The following WDR43 variants were observed in gnomAD, a reference collection of about 807,000 sequenced individuals.
WDR43 encodes WD repeat domain 43, also known as WD repeat-containing protein 43.
WDR43 carries 13 observed loss-of-function variants against 91.4 expected under a neutral mutation model. The ratio of observed to expected loss-of-function variants is 0.14; its 90% confidence interval spans 0.09 to 0.23. The LOEUF is 0.23. Ranked by LOEUF, WDR43 falls within the 10% of genes least tolerant of loss-of-function variation. The pLI, the probability that WDR43 is intolerant of heterozygous loss-of-function variation, is 1.00. For missense variants in WDR43, 780 were observed against 809.4 expected, an observed-to-expected ratio of 0.96 and a Z score of 0.44; for synonymous variants, 331 against 287.9, an observed-to-expected ratio of 1.15 and a Z score of -1.51.
At chr2:28,908,419 T>A (rs886349697) in intron 3 of WDR43, among the ~76,000 whole-genome samples, 9 of 152,190 alleles carry the variant, frequency 5.9e-5, no homozygotes, top group African/African-American at 1.9e-4. Flanking sequence ...CACAGTAGTT[T>A]CTATGTTAGT....
In WDR43 at chr2:28,944,078, C is replaced by T. The variant is rs79926233; in HGVS notation, c.1804+1697C>T. ...TCTTTGAGCGGCTCATGATGTCCTCCGCTTTTCAATCGGTCATCTGTGGGA... is the reference window on the plus strand; with the variant it reads ...TCTTTGAGCGGCTCATGATGTCCTCTGCTTTTCAATCGGTCATCTGTGGGA... On this transcript the variant is annotated intron_variant, in intron 16 of 17. Transcript: ENST00000407426. Among the ~76,000 whole-genome samples, 22 of 152,248 alleles carry T rather than the reference C, an allele frequency of 1.4e-4. No homozygotes were observed. In the East Asian group the frequency reaches 2.7e-3, roughly 19 times the overall value.
At chr2:28,944,805 C>T (rs977626643) in intron 16 of WDR43, among the ~76,000 whole-genome samples, 5 of 152,210 alleles carry the variant, frequency 3.3e-5, no homozygotes, top group African/African-American at 7.2e-5. Context: ...AAACGACTAA[C>T]GGGTGGCTAG....
At chr2:28,929,509 T>C in intron 10 of WDR43, 70 bp from the exon 11 acceptor site, 1 of 1,228,042 alleles carries the variant, frequency 8.1e-7, no homozygotes, top group Non-Finnish European at 1.1e-6. Context: ...TATTTTATTT[T>C]ATTTTTTTTG....
intron 16 of WDR43, among the ~76,000 whole-genome samples, chr2:28,943,291 C>A (rs536147602): frequency 2.7e-4 from 41 of 152,210 alleles, no homozygotes; most frequent in African/African-American, 9.4e-4. Flanking sequence ...AGCCACCATG[C>A]CTGGCCAATT....
At chr2:28,916,272 C>G (rs1264303646) in intron 5 of WDR43, among the ~76,000 whole-genome samples, 1 of 151,990 alleles carries the variant, frequency 6.6e-6, no homozygotes, top group Non-Finnish European at 1.5e-5. Context: ...GGGTAAATAC[C>G]TAGGAGTGTA....
intron 5 of WDR43, among the ~76,000 whole-genome samples, chr2:28,915,122 TA>T: frequency 6.6e-6 from 1 of 152,286 alleles, no homozygotes; most frequent in Admixed American, 6.5e-5. Flanking sequence ...TTATACAAGA[TA>T]ATACTCATTT....
In WDR43 at chr2:28,921,021, C is replaced by CT. The variant is rs1208615985; in HGVS notation, c.850-1897dup. ...CTCTTTTTCTGACTGAATTCTGTTG[C>CT]TACTTTTAGATTTAACTTTAGGTTT... On this transcript the variant is annotated intron_variant, in intron 6 of 17. Transcript: ENST00000407426. 5.9e-4 allele frequency among the ~76,000 whole-genome samples: 89 copies of CT among 151,834 alleles called. 3 individuals are homozygous for CT.
Position 28,911,181 on chromosome 2 carries a change from TA to T in WDR43, c.486-1407del, listed in dbSNP as rs544260688. On this transcript the variant is annotated intron_variant, in intron 3 of 17. Coordinates refer to ENST00000407426, the MANE Select transcript of WDR43 (RefSeq NM_015131.3). ...TTAAATACTTTTAAATTTAATCAGT[TA>T]ATTTTTTTGCATGTGTGGCATAATG... Among the ~76,000 whole-genome samples the T allele has an allele frequency of 1.9e-3, 291 of 152,290 alleles. 1 individual carries two copies. Among genetic ancestry groups the T allele is most frequent in the Non-Finnish European group, 3.1e-3 (210 of 68,024 alleles).
At chr2:28,895,239 C>T (rs1045967843) in intron 1 of WDR43, 3 of 274,056 alleles carry the variant, frequency 1.1e-5, no homozygotes, top group African/African-American at 2.2e-5. Flanking sequence ...GGGGCGGCTT[C>T]CTTCTGCCGG....
intron 10 of WDR43, 83 bp from the exon 11 acceptor site, chr2:28,929,496 T>C: frequency 3.3e-6 from 4 of 1,209,932 alleles, no homozygotes; most frequent in Non-Finnish European, 4.3e-6. Flanking sequence ...ATCTATTTTA[T>C]TTTATTTTAT....
At chr2:28,910,903 G>A (rs1358619135) in intron 3 of WDR43, among the ~76,000 whole-genome samples, 2 of 151,806 alleles carry the variant, frequency 1.3e-5, no homozygotes, top group Admixed American at 1.3e-4. Context: ...TCACCATGTT[G>A]TTCAGGCTGG....
At chr2:28,901,875 T>G in intron 1 of WDR43, 112 bp from the exon 2 acceptor site, 3 of 1,070,580 alleles carry the variant, frequency 2.8e-6, no homozygotes, top group Non-Finnish European at 3.9e-6. Context: ...AGCTTCTCTC[T>G]TCCCCCCTTT....
At chr2:28,942,053 A>T (rs1671446936) in intron 15 of WDR43, among the ~76,000 whole-genome samples, 1 of 152,170 alleles carries the variant, frequency 6.6e-6, no homozygotes, top group African/African-American at 2.4e-5. Flanking sequence ...ACAGTTAGTA[A>T]GTTATAGGAT....
chr2:28,904,268 T>G (rs1670635952), intron 2 of WDR43, among the ~76,000 whole-genome samples: 1 of 152,198 alleles, frequency 6.6e-6, no homozygotes, highest in Admixed American at 6.5e-5. Flanking sequence ...GTCCTGAGGT[T>G]GAATCCTACT....
At chr2:28,913,699 T>C (rs1321580481) in intron 4 of WDR43, 1 of 525,624 alleles carries the variant, frequency 1.9e-6, no homozygotes, top group Non-Finnish European at 3.8e-6. Context: ...TGGTTTCGAC[T>C]CACTGAGAGT....
At chr2:28,944,842 A>G (rs1385404678) in intron 16 of WDR43, among the ~76,000 whole-genome samples, 1 of 152,256 alleles carries the variant, frequency 6.6e-6, no homozygotes, top group East Asian at 1.9e-4. Context: ...GGACAAAGGG[A>G]TGATTTACCT....
intron 14 of WDR43, among the ~76,000 whole-genome samples, chr2:28,940,508 G>T (rs552811121): frequency 9.8e-5 from 15 of 152,300 alleles, no homozygotes; most frequent in African/African-American, 3.6e-4. Flanking sequence ...GGGATTACAG[G>T]CATGAGCCAC....
intron 13 of WDR43, 89 bp downstream of exon 13, chr2:28,937,042 C>CT (rs1370936114): frequency 1.6e-6 from 2 of 1,290,164 alleles, no homozygotes; most frequent in East Asian, 2.6e-5. Context: ...TAATAAAACT[C>CT]TTTCAGTGTC....
intron 14 of WDR43, 84 bp downstream of exon 14, chr2:28,938,078 A>G (rs1203976218): frequency 2.1e-6 from 3 of 1,419,768 alleles, no homozygotes; most frequent in Non-Finnish European, 2.9e-6. Context: ...TGGCTGAACA[A>G]AACCATCCTT....
Sources: allele counts gnomAD v4.1 joint callset (sites outside exome capture counted in the v4.1 genomes callset), GRCh38; gene constraint gnomAD v4.1.1; transcripts MANE v1.5; gene names NCBI Gene and HGNC (gene_info 2026-07-23, HGNC 2026-07-21).